KEL: variants seen among roughly 807,000 people sequenced by gnomAD.
KEL encodes the protein Kell metallo-endopeptidase (Kell blood group).
In KEL, 96 loss-of-function variants were observed where a neutral mutation model predicts 99.5. That is an observed-to-expected ratio of 0.97 (90% CI 0.82 to 1.14). The LOEUF (loss-of-function observed/expected upper bound fraction) is 1.14. Ranked by LOEUF, KEL falls within the 50% of genes most tolerant of loss-of-function variation. The pLI is 0.00. For synonymous variants in KEL, 355 were observed against 354.8 expected (o/e 1.00, Z -0.01); for missense variants, 926 against 924.2 (o/e 1.00, Z -0.03).
intron 10 of KEL, among the ~76,000 whole-genome samples, chr7:142,951,352 C>G (rs1796682565): frequency 6.6e-6 from 1 of 152,162 alleles, no homozygotes; most frequent in Non-Finnish European, 1.5e-5. Flanking sequence ...ACTTGGGGCT[C>G]TGGTCTGCTT....
At position 142,961,379 on chromosome 7, in the gene KEL, G is replaced by A. The variant is rs1796954964; in HGVS notation, c.204C>T (p.Asn68=). 1 of 1,613,362 alleles carries A rather than the reference G, an allele frequency of 6.2e-7. No homozygotes were observed. Residue 68 remains asparagine, a synonymous_variant, in exon 3 of 19, where the codon AAC becomes AAT. Coordinates refer to ENST00000355265, the MANE Select transcript of KEL (RefSeq NM_000420.3). Reference sequence around the variant, plus strand: ...GCTTACGAGGGCCACAGTTCTGGAAGTTGTAGAACAAAAGCACAGAAAAAC... The same window carrying A: ...GCTTACGAGGGCCACAGTTCTGGAAATTGTAGAACAAAAGCACAGAAAAAC... The part of the protein sequence containing the change: ...LLCFSVLLFY[N]FQNCGPRPCE...
chr7:142,944,795 TG>T (rs1796477717), intron 11 of KEL, 54 bp from the exon 12 acceptor site: 1 of 1,389,458 alleles, frequency 7.2e-7, no homozygotes, highest in African/African-American at 1.4e-5. Context: ...GGCCTCAGCC[TG>T]GCCCTGCCCA....
chr7:142,944,770 G>GA (rs1562957973), intron 11 of KEL, 29 bp from the exon 12 acceptor site: 2 of 1,560,114 alleles, frequency 1.3e-6, no homozygotes, highest in Admixed American at 3.4e-5. Flanking sequence ...GGGACAGGGG[G>GA]ACAGGATCAG....
At chr7:142,952,484 C>A (rs1338196022) in intron 10 of KEL, 25 bp downstream of exon 10, 2 of 1,613,050 alleles carry the variant, frequency 1.2e-6, no homozygotes, top group Admixed American at 3.3e-5. Flanking sequence ...AGTATCTGGG[C>A]AAATACACCC....
intron 6 of KEL, 48 bp downstream of exon 6, chr7:142,957,779 T>A (rs2116679638): frequency 6.2e-7 from 1 of 1,611,312 alleles, no homozygotes; most frequent in African/African-American, 1.3e-5. Flanking sequence ...TTGGCTAGAG[T>A]TGGAGGCAGG....
intron 10 of KEL, among the ~76,000 whole-genome samples, chr7:142,952,300 A>G (rs1352480002): frequency 6.6e-6 from 1 of 152,098 alleles, no homozygotes. Flanking sequence ...AGGCTGGGAG[A>G]TGTGTGCCTG....
intron 4 of KEL, among the ~76,000 whole-genome samples, chr7:142,958,652 C>A (rs1005352733): frequency 7.9e-5 from 12 of 152,166 alleles, no homozygotes; most frequent in Admixed American, 7.9e-4. Flanking sequence ...TGTTTCTTTG[C>A]CACATTTTGA....
At chr7:142,960,741 C>T (rs1796934577) in intron 4 of KEL, among the ~76,000 whole-genome samples, 187 bp downstream of exon 4, 1 of 152,100 alleles carries the variant, frequency 6.6e-6, no homozygotes, top group African/African-American at 2.4e-5. Context: ...GATGAGCAAA[C>T]CCAGGCAGCT....
At chr7:142,946,413 T>C in intron 10 of KEL, 96 bp from the exon 11 acceptor site, 2 of 986,860 alleles carry the variant, frequency 2.0e-6, no homozygotes, top group Admixed American at 2.0e-5. Flanking sequence ...CAGAGGGTGC[T>C]CTTTTGACTG....
In KEL at chr7:142,954,240, C is replaced by G. The variant is rs537189264; in HGVS notation, c.868G>C (p.Glu290Gln). Reference sequence around the variant, plus strand: ...AGCTTGCCCTGTGCCCGCCGCTGCTCCAGGGGCCTCAGAAACTGGAACAGC... The same window carrying G: ...AGCTTGCCCTGTGCCCGCCGCTGCTGCAGGGGCCTCAGAAACTGGAACAGC... ...SRLFQFLRPL[E>Q]QRRAQGKLFQ... Residue 290 changes from glutamate to glutamine, a missense_variant, in exon 8 of 19, where the codon GAG becomes CAG. Transcript: ENST00000355265. The G allele has an allele frequency of 1.9e-6, 3 of 1,613,766 alleles. No individual in the cohort carries two copies. The highest frequency in any genetic ancestry group is 2.5e-6 in the Non-Finnish European group (3 of 1,180,018).
In KEL at chr7:142,944,386, C is replaced by T. The variant is rs1406766012; in HGVS notation, c.1428G>A (p.Gln476=). 6.2e-7 allele frequency: 1 copy of T among 1,613,852 alleles called. No individual in the cohort carries two copies. The highest frequency in any genetic ancestry group is 2.2e-5 in the East Asian group (1 of 44,882). The change falls in exon 13 of 19, where the codon CAG becomes CAA. Residue 476 remains glutamine (Q), a synonymous_variant. Coordinates refer to ENST00000355265, the MANE Select transcript of KEL (RefSeq NM_000420.3). ...CCCATTCTGAAGCCCCCATCTCCACCTGCAGTTGAGCAACCTGGAGAGAGA... is the reference window on the plus strand; with the variant it reads ...CCCATTCTGAAGCCCCCATCTCCACTTGCAGTTGAGCAACCTGGAGAGAGA... The part of the protein sequence containing the change: ...NMAQDKVAQL[Q]VEMGASEWAL...
intron 6 of KEL, among the ~76,000 whole-genome samples, chr7:142,956,009 G>C (rs1296604677): frequency 1.3e-5 from 2 of 151,932 alleles, no homozygotes; most frequent in African/African-American, 4.8e-5. Flanking sequence ...CTCTCCAATA[G>C]TACTCTCTCT....
At chr7:142,944,245 C>G in intron 13 of KEL, 78 bp downstream of exon 13, 1 of 1,202,352 alleles carries the variant, frequency 8.3e-7, no homozygotes, top group South Asian at 1.2e-5. Flanking sequence ...AACTGATTGT[C>G]CAACAAAGAC....
rs1431256906 is a variant in KEL, at chr7:142,943,531, G to C, written c.1658C>G (p.Pro553Arg). 5 of 1,614,026 alleles carry C rather than the reference G, an allele frequency of 3.1e-6. No homozygotes were observed. The highest frequency in any genetic ancestry group is 4.2e-6 in the Non-Finnish European group (5 of 1,180,002). The part of the protein sequence containing the change: ...YSVSDHVVVF[P>R]AGLLQPPFFH... The stretch of plus-strand genomic sequence containing the variant: ...GAATGGGGGTTGGAGGAGTCCAGCT[G>C]GAAAGACTACCACATGGTCAGATAC... Residue 553 changes from proline (P) to arginine (R), a missense_variant, in exon 15 of 19, where the codon CCA becomes CGA. By Grantham distance (103) the Pro-to-Arg change is moderately radical. Transcript: ENST00000355265.
intron 12 of KEL, 62 bp downstream of exon 12, chr7:142,944,581 G>A (rs988317824): frequency 4.2e-5 from 60 of 1,423,302 alleles, no homozygotes; most frequent in African/African-American, 2.4e-4. Flanking sequence ...TCCCCATCTC[G>A]CTTGTTCCAA....
At chr7:142,945,186 C>T (rs1010571839) in intron 11 of KEL, among the ~76,000 whole-genome samples, 3 of 152,208 alleles carry the variant, frequency 2.0e-5, no homozygotes, top group Non-Finnish European at 2.9e-5. Context: ...CCAGCAAGTC[C>T]CCCACAAGTC....
chr7:142,943,539 T>G lies in KEL; in HGVS notation c.1650A>C (p.Val550=). ...NAYYSVSDHV[V]VFPAGLLQPP... Reference sequence around the variant, plus strand: ...GTTGGAGGAGTCCAGCTGGAAAGACTACCACATGGTCAGATACCGAATAGT... The same window carrying G: ...GTTGGAGGAGTCCAGCTGGAAAGACGACCACATGGTCAGATACCGAATAGT... The change falls in exon 15 of 19, where the codon GTA becomes GTC. Residue 550 remains valine, a synonymous_variant. Coordinates refer to ENST00000355265, the MANE Select transcript of KEL (RefSeq NM_000420.3). 1 of 1,614,164 alleles carries G rather than the reference T, an allele frequency of 6.2e-7. No homozygotes were observed. The highest frequency in any genetic ancestry group is 8.5e-7 in the Non-Finnish European group (1 of 1,180,016).
intron 9 of KEL, chr7:142,953,315 C>A (rs1796737169): frequency 1.0e-6 from 1 of 973,028 alleles, no homozygotes; most frequent in South Asian, 4.7e-5. Context: ...AGAGCTCCAG[C>A]ATCTTCACAC....
chr7:142,961,784 A>G lies in KEL; in HGVS notation c.81+11T>C, dbSNP rs1233522727. 1.9e-6 allele frequency: 3 copies of G among 1,610,204 alleles called. No individual in the cohort carries two copies. The highest frequency in any genetic ancestry group is 2.2e-5 in the East Asian group (1 of 44,856). On this transcript the variant is annotated intron_variant, in intron 2 of 18. Transcript: ENST00000355265. ...CAGTGTATTCCAGACCCAGGAGAGG[A>G]GGCCACTTACCTCTTGGCTCCAGAG...
Sources: gnomAD v4.1 joint callset for allele counts (sites outside exome capture counted in the v4.1 genomes callset) on GRCh38, gnomAD v4.1.1 for gene constraint, MANE v1.5 for transcripts, NCBI Gene and HGNC (gene_info 2026-07-23, HGNC 2026-07-21) for gene names.